Variants in MRPS5 observed in about 807,000 individuals in gnomAD.
MRPS5 encodes the protein small ribosomal subunit protein uS5m.
A neutral mutation model predicts 51.9 loss-of-function variants in MRPS5; 27 were observed. That is an observed-to-expected ratio of 0.52 (90% CI 0.38 to 0.72). The LOEUF is 0.72. MRPS5 is among the 30% of genes least tolerant of loss of function. The pLI is 0.00. For missense variants in MRPS5, 570 were observed against 545.7 expected (o/e 1.04, Z -0.44); for synonymous variants, 196 against 193.2 (o/e 1.01, Z -0.12).
chr2:95,121,614 G>T, intron 1 of MRPS5, 120 bp downstream of exon 1: 1 of 1,118,990 alleles, frequency 8.9e-7, no homozygotes, highest in South Asian at 1.6e-5. Flanking sequence ...TGGGGGCACG[G>T]CGTGAAGAGC....
Position 95,104,626 on chromosome 2 carries a change from C to A in MRPS5, c.763+14G>T. The A allele has an allele frequency of 6.2e-7, 1 of 1,613,754 alleles. No homozygotes were observed. Among genetic ancestry groups the A allele is most frequent in the African/African-American group, 1.3e-5 (1 of 75,046 alleles). On this transcript the variant is annotated intron_variant, in intron 7 of 11. Coordinates refer to ENST00000272418, the MANE Select transcript of MRPS5 (RefSeq NM_031902.5). ...CACACCACCGCCACTGTGATGCCAT[C>A]ACTCCCCATTCACCTGCAGCTCCTT...
At chr2:95,113,492 A>T (rs1676189510) in intron 3 of MRPS5, among the ~76,000 whole-genome samples, 1 of 152,096 alleles carries the variant, frequency 6.6e-6, no homozygotes, top group African/African-American at 2.4e-5. Flanking sequence ...TAAATAAATA[A>T]ATAAAAATAA....
At chr2:95,094,242 C>T (rs1675552458) in intron 10 of MRPS5, among the ~76,000 whole-genome samples, 1 of 152,056 alleles carries the variant, frequency 6.6e-6, no homozygotes, top group South Asian at 2.1e-4. Context: ...TGTGAAAAGA[C>T]CAAATCTACA....
At chr2:95,111,646 T>C (rs1482795341) in intron 3 of MRPS5, among the ~76,000 whole-genome samples, 1 of 152,162 alleles carries the variant, frequency 6.6e-6, no homozygotes, top group Non-Finnish European at 1.5e-5. Context: ...AATTATAAAA[T>C]AGCTATTTTT....
chr2:95,108,226 T>G lies in MRPS5; in HGVS notation c.586A>C (p.Asn196His). Residue 196 changes from asparagine to histidine, a missense_variant, in exon 5 of 12, where the codon AAC becomes CAC. Coordinates refer to ENST00000272418, the MANE Select transcript of MRPS5 (RefSeq NM_031902.5). ...CCAAGACTGATGCCTCCCCATGAGT[T>G]TCCACTCCATCCTCGCTCCCGTTTA... ...KVKRERGWSGNSWGGISLGPP... is the reference protein window; with the variant it reads ...KVKRERGWSGHSWGGISLGPP... The G allele has an allele frequency of 1.9e-6, 3 of 1,614,122 alleles. No homozygotes were observed. The highest frequency in any genetic ancestry group is 2.2e-5 in the South Asian group (2 of 91,072).
intron 5 of MRPS5, chr2:95,106,787 A>G (rs1038216592): frequency 2.7e-6 from 1 of 374,776 alleles, no homozygotes; most frequent in Non-Finnish European, 5.0e-6. Flanking sequence ...AAGACACCAC[A>G]GTCCATCATT....
chr2:95,088,163 T>C (rs1315874486), intron 11 of MRPS5, among the ~76,000 whole-genome samples: 1 of 152,196 alleles, frequency 6.6e-6, no homozygotes, highest in Non-Finnish European at 1.5e-5. Flanking sequence ...ACAAATGGAA[T>C]TTGCTCATTT....
At chr2:95,104,429 G>A in intron 7 of MRPS5, 1 of 583,770 alleles carries the variant, frequency 1.7e-6, no homozygotes, top group Non-Finnish European at 3.1e-6. Flanking sequence ...TTCCTCAGAG[G>A]AAAAGGCAAG....
intron 4 of MRPS5, among the ~76,000 whole-genome samples, chr2:95,108,945 A>G (rs1386939688): frequency 6.6e-6 from 1 of 151,994 alleles, no homozygotes; most frequent in Non-Finnish European, 1.5e-5. Context: ...AATACATAAT[A>G]CCTTTTGTAT....
chr2:95,103,187 T>A (rs1049009865), intron 7 of MRPS5, among the ~76,000 whole-genome samples: 2 of 152,110 alleles, frequency 1.3e-5, no homozygotes, highest in Admixed American at 6.5e-5. Context: ...TGGAAAAAAA[T>A]TAAAACCTAA....
intron 3 of MRPS5, among the ~76,000 whole-genome samples, chr2:95,111,976 T>G (rs1676133444): frequency 1.3e-5 from 2 of 152,220 alleles, no homozygotes. Flanking sequence ...AGAATACATC[T>G]ACTATCATTT....
At chr2:95,093,762 C>G (rs995725513) in intron 10 of MRPS5, 17 of 152,152 alleles carry the variant, frequency 1.1e-4, no homozygotes, top group African/African-American at 3.6e-4. Flanking sequence ...TAGATAAAAC[C>G]ACAAAGATGG....
At chr2:95,115,701 T>C (rs1676267024) in intron 2 of MRPS5, among the ~76,000 whole-genome samples, 1 of 152,162 alleles carries the variant, frequency 6.6e-6, no homozygotes, top group African/African-American at 2.4e-5. Context: ...GAAACAACGG[T>C]TGCCTCTGGG....
intron 3 of MRPS5, among the ~76,000 whole-genome samples, chr2:95,114,095 G>T (rs1275685104): frequency 7.4e-6 from 1 of 135,436 alleles, no homozygotes; most frequent in African/African-American, 2.8e-5. Context: ...ACTCCGGCCT[G>T]GTGACAAAGC....
Position 95,087,596 on chromosome 2 carries a change from A to G in MRPS5, c.1069-15T>C. 1 of 1,606,858 alleles carries G rather than the reference A, an allele frequency of 6.2e-7. No homozygotes were observed. The highest frequency in any genetic ancestry group is 8.5e-7 in the Non-Finnish European group (1 of 1,175,856). ...TGATGGGTTTCCTAAGCAAGACCAAATTCAGAACAGGTTAGGTCTGAAGTA... is the reference window on the plus strand; with the variant it reads ...TGATGGGTTTCCTAAGCAAGACCAAGTTCAGAACAGGTTAGGTCTGAAGTA... On this transcript the variant is annotated splice_polypyrimidine_tract_variant and intron_variant, in intron 11 of 11. Transcript: ENST00000272418.
intron 1 of MRPS5, among the ~76,000 whole-genome samples, chr2:95,121,429 A>C (rs1042773156): frequency 6.6e-6 from 1 of 152,180 alleles, no homozygotes; most frequent in Non-Finnish European, 1.5e-5. Flanking sequence ...ACGCGCCCCA[A>C]AGGCGATGCT....
At chr2:95,097,268 GGT>G (rs1675654994) in intron 10 of MRPS5, among the ~76,000 whole-genome samples, 1 of 152,184 alleles carries the variant, frequency 6.6e-6, no homozygotes, top group Non-Finnish European at 1.5e-5. Flanking sequence ...TGCTGCCCAA[GGT>G]AATTTACAGA....
At chr2:95,121,887 A>G (rs1452873376), upstream of MRPS5, 2 of 1,370,758 alleles carry the variant, frequency 1.5e-6, no homozygotes, top group Admixed American at 2.4e-5. Context: ...CTTGGGCCGC[A>G]GCGGAATTCC....
intron 11 of MRPS5, among the ~76,000 whole-genome samples, chr2:95,088,369 C>G (rs1415501678): frequency 6.6e-6 from 1 of 152,152 alleles, no homozygotes; most frequent in African/African-American, 2.4e-5. Flanking sequence ...TGGTCATGAG[C>G]TGGGTAACAG....
Sources: gnomAD v4.1 joint callset for allele counts (sites outside exome capture counted in the v4.1 genomes callset) on GRCh38, gnomAD v4.1.1 for gene constraint, MANE v1.5 for transcripts, NCBI Gene and HGNC (gene_info 2026-07-23, HGNC 2026-07-21) for gene names.